Variants in SCHIP1 observed in about 807,000 individuals in gnomAD.
SCHIP1 encodes the protein schwannomin-interacting protein 1.
Under a neutral mutation model 29.7 loss-of-function variants are expected in SCHIP1, and 8 were observed. The observed-to-expected ratio is 0.27, with a 90% CI of 0.16 to 0.49. The LOEUF (loss-of-function observed/expected upper bound fraction) is 0.49. SCHIP1 is among the 20% of genes least tolerant of loss of function. The probability of loss-of-function intolerance (pLI) is 0.99; values close to 1 mark genes in which losing one functional copy is unlikely to be tolerated. For synonymous variants in SCHIP1, 76 were observed against 94.9 expected, an observed-to-expected ratio of 0.80 and a Z score of 1.16; for missense variants, 193 against 294.6, an observed-to-expected ratio of 0.66 and a Z score of 2.52.
At chr3:159,352,545 A>G in the SCHIP1 span, among the ~76,000 whole-genome samples, 1 of 152,140 alleles carries the variant, frequency 6.6e-6, no homozygotes, top group South Asian at 2.1e-4. Flanking sequence ...ATCGGATTTC[A>G]CCAATTTTCC....
the SCHIP1 span, among the ~76,000 whole-genome samples, chr3:159,480,900 C>T: frequency 5.9e-5 from 9 of 151,920 alleles, no homozygotes; most frequent in Non-Finnish European, 1.2e-4. Flanking sequence ...AGAGGGTCAG[C>T]GAAGGGAGAT....
the SCHIP1 span, among the ~76,000 whole-genome samples, chr3:159,500,921 T>C: frequency 1.3e-5 from 2 of 152,182 alleles, no homozygotes; most frequent in Admixed American, 6.6e-5. Flanking sequence ...ACTCTACTTA[T>C]GGAGTTTACT....
chr3:159,378,236 G>T, the SCHIP1 span, among the ~76,000 whole-genome samples: 1 of 152,180 alleles, frequency 6.6e-6, no homozygotes, highest in Non-Finnish European at 1.5e-5. Context: ...CATTAGTGTG[G>T]CATCAGTAAT....
At chr3:159,641,080 G>A in the SCHIP1 span, among the ~76,000 whole-genome samples, 4 of 152,044 alleles carry the variant, frequency 2.6e-5, no homozygotes, top group South Asian at 2.1e-4. Context: ...AATTTTTTTA[G>A]GGGAGAACTG....
chr3:159,301,376 CT>C, the SCHIP1 span, among the ~76,000 whole-genome samples: 2,901 of 152,146 alleles, frequency 0.019, 96 homozygotes, highest in African/African-American at 0.067. Context: ...CTTAACACGA[CT>C]TTTTTTTCTT....
the SCHIP1 span, among the ~76,000 whole-genome samples, chr3:159,537,719 G>A: frequency 6.6e-6 from 1 of 152,074 alleles, no homozygotes; most frequent in Non-Finnish European, 1.5e-5. Context: ...TGGAAGGGAA[G>A]GGCGAGCACA....
the SCHIP1 span, among the ~76,000 whole-genome samples, chr3:159,310,434 A>C: frequency 6.6e-6 from 1 of 152,138 alleles, no homozygotes; most frequent in Non-Finnish European, 1.5e-5. Context: ...GTGCATATTT[A>C]ATTGAGTTCC....
the SCHIP1 span, among the ~76,000 whole-genome samples, chr3:159,386,458 G>A: frequency 1.5e-4 from 23 of 152,170 alleles, no homozygotes; most frequent in Admixed American, 9.2e-4. Flanking sequence ...TCGTGAAAAT[G>A]AACATACTGC....
In SCHIP1 at chr3:159,871,406, A is replaced by G. The variant is rs1036441685; in HGVS notation, c.149+5125A>G. ...ATTATAACCTAACGTTGTAGTATAT[A>G]TACTTTGTTCTGTCTTTCTCTAGCT... On this transcript the variant is annotated intron_variant, in intron 2 of 6. Coordinates refer to ENST00000445224, the Ensembl canonical transcript of SCHIP1. Among the ~76,000 whole-genome samples the G allele has an allele frequency of 4.9e-5, 7 of 142,372 alleles. No individual in the cohort carries two copies. The South Asian group carries it at 8.9e-4, about 18-fold the overall frequency. The allele number at this position is 142,372 out of a possible 152,430, so 93.4% of individuals were successfully genotyped here. A position where few individuals can be genotyped will look rare whatever the true frequency, so the allele number is the denominator to read the frequency against.
the SCHIP1 span, among the ~76,000 whole-genome samples, chr3:159,284,967 G>A: frequency 4.0e-5 from 6 of 151,820 alleles, no homozygotes; most frequent in Non-Finnish European, 8.8e-5. Context: ...TCTTTATATT[G>A]TAAAGATTTT....
At chr3:159,294,166 C>G in the SCHIP1 span, among the ~76,000 whole-genome samples, 1 of 152,092 alleles carries the variant, frequency 6.6e-6, no homozygotes, top group East Asian at 1.9e-4. Flanking sequence ...TTGGAAACTG[C>G]TATTCTAGTA....
chr3:159,832,683 C>A, the SCHIP1 span, among the ~76,000 whole-genome samples: 2 of 152,180 alleles, frequency 1.3e-5, no homozygotes, highest in African/African-American at 4.8e-5. Context: ...AGAAACTAGG[C>A]TCTGTCAGCG....
the SCHIP1 span, among the ~76,000 whole-genome samples, chr3:159,354,456 A>G: frequency 1.3e-5 from 2 of 152,188 alleles, no homozygotes; most frequent in Admixed American, 6.6e-5. Context: ...ATTCTTTTAG[A>G]AAAATGTGTC....
At chr3:159,783,426 T>A in the SCHIP1 span, among the ~76,000 whole-genome samples, 8 of 152,324 alleles carry the variant, frequency 5.3e-5, 1 homozygote, top group South Asian at 1.7e-3. Flanking sequence ...AGGAGCATCC[T>A]CACCAAAATC....
chr3:159,730,473 T>C, the SCHIP1 span, among the ~76,000 whole-genome samples: 1 of 152,252 alleles, frequency 6.6e-6, no homozygotes, highest in Non-Finnish European at 1.5e-5. Context: ...TATTACTGTA[T>C]GAAATAACCT....
the SCHIP1 span, among the ~76,000 whole-genome samples, chr3:159,314,955 G>A: frequency 6.6e-5 from 10 of 152,240 alleles, no homozygotes; most frequent in East Asian, 5.8e-4. Context: ...GGAACTGTGC[G>A]GCTATGAACA....
chr3:159,816,520 C>A, the SCHIP1 span, among the ~76,000 whole-genome samples: 19,424 of 152,162 alleles, frequency 0.13, 1,462 homozygotes, highest in Middle Eastern at 0.29. Context: ...AGTGATCCTC[C>A]TGCCTCAGCC....
the SCHIP1 span, among the ~76,000 whole-genome samples, chr3:159,613,752 C>G: frequency 6.6e-6 from 1 of 152,134 alleles, no homozygotes; most frequent in Non-Finnish European, 1.5e-5. Context: ...CATTCCCAGG[C>G]TAGAGGAACT....
chr3:159,304,848 T>C, the SCHIP1 span, among the ~76,000 whole-genome samples: 4 of 152,160 alleles, frequency 2.6e-5, no homozygotes, highest in Non-Finnish European at 2.9e-5. Flanking sequence ...TAAATAACAT[T>C]GGGTTTGACC....
Sources: allele counts gnomAD v4.1 joint callset (sites outside exome capture counted in the v4.1 genomes callset), GRCh38; gene constraint gnomAD v4.1.1; transcripts MANE v1.5; gene names NCBI Gene and HGNC (gene_info 2026-07-23, HGNC 2026-07-21).